Variants in UNC93B1 observed in about 807,000 individuals in gnomAD.
UNC93B1 encodes unc-93B1 regulator of TLR signaling.
A neutral mutation model predicts 56.8 loss-of-function variants in UNC93B1; 33 were observed. The ratio of observed to expected loss-of-function variants is 0.58; its 90% CI spans 0.44 to 0.78. The LOEUF (loss-of-function observed/expected upper bound fraction) is 0.78. Ranked by LOEUF, UNC93B1 falls within the 30% of genes least tolerant of loss-of-function variation. UNC93B1 has a pLI of 0.00. For missense variants in UNC93B1, 673 were observed against 819.5 expected (o/e 0.82, Z 2.18); for synonymous variants, 334 against 358.6 (o/e 0.93, Z 0.77).
At chr11:67,993,395 A>G (rs996888711) in intron 10 of UNC93B1, among the ~76,000 whole-genome samples, 5 of 152,270 alleles carry the variant, frequency 3.3e-5, no homozygotes, top group African/African-American at 9.6e-5. Flanking sequence ...GGCCATGAAG[A>G]GAGACAGACC....
At chr11:67,995,970 C>G in intron 8 of UNC93B1, 86 bp from the exon 9 acceptor site, 16 of 1,264,072 alleles carry the variant, frequency 1.3e-5, no homozygotes, top group South Asian at 1.8e-5. Flanking sequence ...GGGTGCCTCA[C>G]CCCCCTGCGA....
intron 6 of UNC93B1, 144 bp from the exon 7 acceptor site, chr11:67,997,943 G>C: frequency 7.9e-7 from 1 of 1,260,468 alleles, no homozygotes; most frequent in Non-Finnish European, 1.1e-6. Flanking sequence ...TCAGAGAGCA[G>C]TTTGGAGGTT....
intron 6 of UNC93B1, among the ~76,000 whole-genome samples, chr11:67,998,019 C>T (rs1287485811): frequency 6.6e-6 from 1 of 152,204 alleles, no homozygotes; most frequent in Non-Finnish European, 1.5e-5. Context: ...GCATCTTTCC[C>T]CTGCTTCCCA....
At chr11:67,997,147 G>A (rs1178143922) in intron 7 of UNC93B1, among the ~76,000 whole-genome samples, 2 of 149,748 alleles carry the variant, frequency 1.3e-5, no homozygotes, top group African/African-American at 5.0e-5. Context: ...CCGCCTTCCA[G>A]GCTAGTCCCC....
intron 3 of UNC93B1, among the ~76,000 whole-genome samples, chr11:68,002,185 T>TACACACAA (rs1554986294): frequency 2.1e-5 from 3 of 140,716 alleles, no homozygotes; most frequent in African/African-American, 8.1e-5. Flanking sequence ...CCCGCTTGCA[T>TACACACAA]ACACACACAC....
chr11:68,003,302 C>G lies in UNC93B1; in HGVS notation c.239-127G>C. On this transcript the variant is annotated intron_variant, in intron 2 of 10. Transcript: ENST00000227471. This position sits in a 1 kb window ranked among gnomAD's most constrained non-coding sequence, Gnocchi z 4.4. ...AGGCATTCCCGCTGACAGCGCCCCT[C>G]AGGACAGCGGGGTTCCCGGGCTGCG... 2 of 1,226,564 alleles carry G rather than the reference C, an allele frequency of 1.6e-6. No individual in the cohort carries two copies. Among genetic ancestry groups the G allele is most frequent in the South Asian group, 1.6e-5 (1 of 61,396 alleles). 76.0% of individuals were successfully genotyped at this position (1,226,564 alleles called of 1,614,324 possible).
chr11:67,996,959 A>G (rs1856958442), intron 7 of UNC93B1, among the ~76,000 whole-genome samples, 175 bp from the exon 8 acceptor site: 1 of 151,248 alleles, frequency 6.6e-6, no homozygotes, highest in Admixed American at 6.6e-5. Flanking sequence ...GCCTTATCCC[A>G]GCTCAAGGCC....
Position 68,003,529 on chromosome 11 carries a change from C to A in UNC93B1, c.238+128G>T. 7.5e-7 allele frequency: 1 copy of A among 1,328,280 alleles called. No homozygotes were observed. The highest frequency in any genetic ancestry group is 9.8e-7 in the Non-Finnish European group (1 of 1,024,398). The allele number at this position is 1,328,280 out of a possible 1,614,324, so 82.3% of individuals were successfully genotyped here. On this transcript the variant is annotated intron_variant, in intron 2 of 10. Coordinates refer to ENST00000227471, the MANE Select transcript of UNC93B1 (RefSeq NM_030930.4). This position sits in a 1 kb window ranked among gnomAD's most constrained non-coding sequence, Gnocchi z 4.4. Reference sequence around the variant, plus strand: ...CAACCCCACCCCCGCCGCGGGGGGCCGTGGCTGCAGCTGCGAGGGCAGCGG... The same window carrying A: ...CAACCCCACCCCCGCCGCGGGGGGCAGTGGCTGCAGCTGCGAGGGCAGCGG...
intron 5 of UNC93B1, 121 bp downstream of exon 5, chr11:67,999,052 A>C: frequency 7.0e-7 from 1 of 1,436,076 alleles, no homozygotes; most frequent in Non-Finnish European, 9.3e-7. Flanking sequence ...TAGTGAGACC[A>C]GGCCTCTTAA....
In UNC93B1 at chr11:68,003,042, G is replaced by A. The variant is rs1317137821; in HGVS notation, c.372C>T (p.Leu124=). 1 of 1,612,544 alleles carries A rather than the reference G, an allele frequency of 6.2e-7. No individual in the cohort carries two copies. The highest frequency in any genetic ancestry group is 1.1e-5 in the South Asian group (1 of 90,772). ...GINVTPIAAL[L]YTPVLIRFFG... is the part of the protein sequence containing the mutation. Reference sequence around the variant, plus strand: ...CCCACCTGATGAGCACAGGTGTGTAGAGCAGGGCGGCGATGGGAGTCACGT... The same window carrying A: ...CCCACCTGATGAGCACAGGTGTGTAAAGCAGGGCGGCGATGGGAGTCACGT... The change falls in exon 3 of 11, where the codon CTC becomes CTT. Residue 124 remains leucine, a synonymous_variant. Transcript: ENST00000227471. The surrounding 1 kb of genome is among the most constrained non-coding windows in gnomAD (Gnocchi z 4.4).
rs780157196 is a variant in UNC93B1, at chr11:68,003,032, C to A, written c.382G>T (p.Val128Leu). 6.2e-7 allele frequency: 1 copy of A among 1,611,756 alleles called. No homozygotes were observed. Among genetic ancestry groups the A allele is most frequent in the Non-Finnish European group, 8.5e-7 (1 of 1,179,150 alleles). Residue 128 changes from valine (V) to leucine (L), a missense_variant, in exon 3 of 11, where the codon GTG becomes TTG. By Grantham distance (32) the Val-to-Leu change is conservative. Coordinates refer to ENST00000227471, the MANE Select transcript of UNC93B1 (RefSeq NM_030930.4). This position sits in a 1 kb window ranked among gnomAD's most constrained non-coding sequence, Gnocchi z 4.4. ...AGCAGCCGCGCCCACCTGATGAGCA[C>A]AGGTGTGTAGAGCAGGGCGGCGATG... ...TPIAALLYTP[V>L]LIRFFGTKWM...
intron 3 of UNC93B1, among the ~76,000 whole-genome samples, chr11:68,002,182 G>GCACACA (rs1320542954): frequency 7.4e-5 from 2 of 27,048 alleles, no homozygotes; most frequent in East Asian, 2.0e-3. Context: ...TAGCCCGCTT[G>GCACACA]CATACACACA....
chr11:68,000,580 G>A (rs1045088639), intron 3 of UNC93B1, among the ~76,000 whole-genome samples: 13 of 152,040 alleles, frequency 8.6e-5, no homozygotes, highest in African/African-American at 2.4e-4. Context: ...CAGGAGAATC[G>A]CTTGAACCCA....
intron 3 of UNC93B1, 102 bp from the exon 4 acceptor site, chr11:67,999,782 G>C: frequency 6.9e-7 from 1 of 1,452,750 alleles, no homozygotes. Context: ...ACAGGGCTTT[G>C]TGAGGTAGAG....
At position 68,003,863 on chromosome 11, in the gene UNC93B1, C is replaced by G; in HGVS notation, c.97-65G>C. The G allele has an allele frequency of 7.6e-7, 1 of 1,317,354 alleles. No individual in the cohort carries two copies. The highest frequency in any genetic ancestry group is 9.6e-7 in the Non-Finnish European group (1 of 1,037,008). 81.6% of individuals were successfully genotyped at this position (1,317,354 alleles called of 1,614,324 possible). A position where few individuals can be genotyped will look rare whatever the true frequency, so the allele number is the denominator to read the frequency against. ...CCGAACCCGTGTCCCCCGGTGCCCGCCGCCCCCCGGCCCGCCCCGCCCCCG... is the reference window on the plus strand; with the variant it reads ...CCGAACCCGTGTCCCCCGGTGCCCGGCGCCCCCCGGCCCGCCCCGCCCCCG... On this transcript the variant is annotated intron_variant, in intron 1 of 10. Coordinates refer to ENST00000227471, the MANE Select transcript of UNC93B1 (RefSeq NM_030930.4). The surrounding 1 kb of genome is among the most constrained non-coding windows in gnomAD (Gnocchi z 4.4).
rs892577186 is a variant in UNC93B1, at chr11:68,001,522, G to A, written c.392+1500C>T. 3.3e-5 allele frequency among the ~76,000 whole-genome samples: 5 copies of A among 152,204 alleles called. No homozygotes were observed. The East Asian group carries it at 5.8e-4, about 18-fold the overall frequency. Reference sequence around the variant, plus strand: ...AAATCAGCCAGATGTGATGGCGTGCGCCTGTAGGCCCAGCTACTCGGGAGG... The same window carrying A: ...AAATCAGCCAGATGTGATGGCGTGCACCTGTAGGCCCAGCTACTCGGGAGG... On this transcript the variant is annotated intron_variant, in intron 3 of 10. Transcript: ENST00000227471.
chr11:68,002,542 C>T (rs1256150624), intron 3 of UNC93B1, among the ~76,000 whole-genome samples: 11 of 152,204 alleles, frequency 7.2e-5, no homozygotes, highest in Admixed American at 7.2e-4. Context: ...GAACCACATA[C>T]CTCCAGGGCT....
chr11:67,995,857 C>T lies in UNC93B1; in HGVS notation c.1117G>A (p.Glu373Lys). 2 of 1,534,562 alleles carry T rather than the reference C, an allele frequency of 1.3e-6. No homozygotes were observed. Among genetic ancestry groups the T allele is most frequent in the Non-Finnish European group, 1.8e-6 (2 of 1,142,566 alleles). ...GCCACGAGGAGGTAAGCCAGCCGCT[C>T]CAGCCCCACCGAGCACACGCCATAG... ...LGYGVCSVGL[E>K]RLAYLLVAYS... Residue 373 changes from glutamate to lysine, a missense_variant, in exon 9 of 11, where the codon GAG (glutamate) becomes AAG (lysine). By Grantham distance (56) the Glu-to-Lys change is moderately conservative. Coordinates refer to ENST00000227471, the MANE Select transcript of UNC93B1 (RefSeq NM_030930.4).
intron 9 of UNC93B1, among the ~76,000 whole-genome samples, chr11:67,994,262 C>A (rs1186342472): frequency 6.6e-6 from 1 of 152,182 alleles, no homozygotes; most frequent in Non-Finnish European, 1.5e-5. Flanking sequence ...GGGTGGGCAA[C>A]AAGAGTAATG....
Sources: allele counts gnomAD v4.1 joint callset (sites outside exome capture counted in the v4.1 genomes callset), GRCh38; gene constraint gnomAD v4.1.1; non-coding constraint Gnocchi (gnomAD v3.1); transcripts MANE v1.5; gene names NCBI Gene and HGNC (gene_info 2026-07-23, HGNC 2026-07-21).